STK25: variants seen among roughly 807,000 people sequenced by gnomAD.
STK25 encodes serine/threonine-protein kinase 25.
Under a neutral mutation model 53.8 loss-of-function variants are expected in STK25, and 29 were observed. That is an observed-to-expected ratio of 0.54 (90% CI 0.40 to 0.74). STK25 has a LOEUF of 0.74. Among genes scored for constraint, STK25 ranks in the 30% least tolerant of loss-of-function variants. STK25 has a pLI of 0.00. For synonymous variants in STK25, 247 were observed against 238.3 expected, an observed-to-expected ratio of 1.04 and a Z score of -0.33; for missense variants, 420 against 568.0, an observed-to-expected ratio of 0.74 and a Z score of 2.65.
intron 1 of STK25, 111 bp from the exon 2 acceptor site, chr2:241,508,246 G>A (rs2065976740): frequency 2.3e-6 from 3 of 1,306,640 alleles, no homozygotes; most frequent in Admixed American, 4.2e-5. Context: ...CCAGGCCGCC[G>A]GGGCCCCGCC....
intron 2 of STK25, among the ~76,000 whole-genome samples, 167 bp downstream of exon 2, chr2:241,507,839 G>A (rs2065936343): frequency 1.3e-5 from 2 of 152,216 alleles, no homozygotes; most frequent in Non-Finnish European, 1.5e-5. Context: ...GCAGAGCCCC[G>A]GGGCCGCCCT....
In STK25 at chr2:241,492,993, T is replaced by C. The variant is rs539553205; in HGVS notation, c.*2669A>G. Reference sequence around the variant, plus strand: ...AGTCATGGCTGGCAGAAGCTCTGGGTCGTCTTTACCAACTTCTGTTTGTTC... The same window carrying C: ...AGTCATGGCTGGCAGAAGCTCTGGGCCGTCTTTACCAACTTCTGTTTGTTC... On this transcript the variant is annotated 3_prime_UTR_variant, in exon 12 of 12. Coordinates refer to ENST00000316586, the MANE Select transcript of STK25 (RefSeq NM_001271977.2). 17 of 1,612,262 alleles carry C rather than the reference T, an allele frequency of 1.1e-5. No individual in the cohort carries two copies. In the South Asian group the frequency reaches 1.8e-4, roughly 17 times the overall value.
intron 11 of STK25, 151 bp from the exon 12 acceptor site, chr2:241,495,852 C>A (rs1222778951): frequency 2.1e-5 from 16 of 774,150 alleles, no homozygotes; most frequent in Non-Finnish European, 3.2e-5. Context: ...GTCTCAGGAG[C>A]AGCAATGACT....
Position 241,501,247 on chromosome 2 carries a change from C to CACCCTCACTCCTA in STK25, c.261+230_261+231insTAGGAGTGAGGGT. 2 of 602,204 alleles carry CACCCTCACTCCTA rather than the reference C, an allele frequency of 3.3e-6. No homozygotes were observed. Among genetic ancestry groups the CACCCTCACTCCTA allele is most frequent in the Non-Finnish European group, 6.0e-6 (2 of 333,198 alleles). The allele number at this position is 602,204 out of a possible 1,614,324, so 37.3% of individuals were successfully genotyped here. ...GGGCCCCCCAGAGTGCTCCTAGCAG[C>CACCCTCACTCCTA]GCCCTCACTGCATTACCACAGGCAG... On this transcript the variant is annotated intron_variant, in intron 3 of 11. Transcript: ENST00000316586. This position sits in a 1 kb window ranked among gnomAD's most constrained non-coding sequence, Gnocchi z 5.3.
intron 2 of STK25, among the ~76,000 whole-genome samples, chr2:241,506,337 A>G (rs2065827182): frequency 6.6e-6 from 1 of 152,244 alleles, no homozygotes; most frequent in Non-Finnish European, 1.5e-5. Flanking sequence ...CTACCTTTGG[A>G]ATCCCTTCTC....
intron 9 of STK25, among the ~76,000 whole-genome samples, 158 bp from the exon 10 acceptor site, chr2:241,497,845 G>T (rs1287932998): frequency 6.6e-6 from 1 of 151,562 alleles, no homozygotes; most frequent in East Asian, 1.9e-4. Context: ...AAGCCACCCG[G>T]ATGGCCTGAC....
At chr2:241,497,001 T>G (rs950541236) in intron 10 of STK25, among the ~76,000 whole-genome samples, 12 of 152,232 alleles carry the variant, frequency 7.9e-5, no homozygotes, top group Non-Finnish European at 1.8e-4. Flanking sequence ...ATCAGCAGGC[T>G]GCCCAGGACC....
intron 2 of STK25, among the ~76,000 whole-genome samples, chr2:241,504,426 G>A (rs910208890): frequency 2.6e-5 from 4 of 152,220 alleles, no homozygotes; most frequent in Admixed American, 6.5e-5. Flanking sequence ...GCAGGATAGA[G>A]AGAGCTGAGT....
intron 5 of STK25, chr2:241,499,923 A>G (rs1261551839): frequency 6.7e-6 from 4 of 598,134 alleles, no homozygotes; most frequent in Non-Finnish European, 9.3e-6. Context: ...GGAACCAACA[A>G]CTCCAGCCAA....
At chr2:241,497,525 CCA>C (rs1373255625) in intron 10 of STK25, 89 bp downstream of exon 10, 7 of 1,351,718 alleles carry the variant, frequency 5.2e-6, no homozygotes, top group Non-Finnish European at 7.4e-6. Context: ...TGAAACCACC[CCA>C]CAGTGCTGTG....
intron 9 of STK25, 66 bp from the exon 10 acceptor site, chr2:241,497,753 C>T: frequency 6.7e-7 from 1 of 1,485,270 alleles, no homozygotes; most frequent in Non-Finnish European, 9.4e-7. Context: ...ACTCCCATCC[C>T]TGCCCAGGCT....
rs375878977 is a variant in STK25 at position 241,498,656 on chromosome 2, G to A, written c.900C>T (p.Ser300=). 4.3e-6 allele frequency: 7 copies of A among 1,613,810 alleles called. No homozygotes were observed. In the African/African-American group the frequency reaches 9.3e-5, roughly 22 times the overall value. ...WKSEGHGEES[S]SEDSDIDGEA... is the part of the protein sequence containing the mutation. ...GTCCCTACATGTCAGAGTCCTCAGA[G>A]CTGGACTCCTCGCCATGCCCCTCTG... The change falls in exon 8 of 12, where the codon AGC becomes AGT. Residue 300 remains serine, a synonymous_variant. Coordinates refer to ENST00000316586, the MANE Select transcript of STK25 (RefSeq NM_001271977.2).
At chr2:241,499,792 T>C in intron 5 of STK25, 1 of 458,098 alleles carries the variant, frequency 2.2e-6, no homozygotes, top group Non-Finnish European at 4.0e-6. Context: ...CAGAGATGGC[T>C]CGTTGCCAGT....
rs1417820789 is a variant in STK25 at position 241,493,516 on chromosome 2, G to A, written c.*2146C>T. The A allele has an allele frequency of 6.8e-7, 1 of 1,476,696 alleles. No homozygotes were observed. Among genetic ancestry groups the A allele is most frequent in the South Asian group, 1.2e-5 (1 of 86,542 alleles). The allele number at this position is 1,476,696 out of a possible 1,614,324, so 91.5% of individuals were successfully genotyped here. On this transcript the variant is annotated 3_prime_UTR_variant, in exon 12 of 12. Transcript: ENST00000316586. The stretch of plus-strand genomic sequence containing the variant: ...CGCTCAGCTCCCATTTCTACTCATG[G>A]TGGTGGAGGCAAGTTTTCTGGGCCC...
chr2:241,508,488 C>G lies in STK25; in HGVS notation c.-146G>C. The G allele has an allele frequency of 9.7e-7, 1 of 1,033,348 alleles. No individual in the cohort carries two copies. Among genetic ancestry groups the G allele is most frequent in the Middle Eastern group, 4.8e-4 (1 of 2,074 alleles). 64.0% of individuals were successfully genotyped at this position (1,033,348 alleles called of 1,614,324 possible). A position where few individuals can be genotyped will look rare whatever the true frequency, so the allele number is the denominator to read the frequency against. ...GCCTCCCCCGGCCCGCTCTGCAGCG[C>G]CCGCGAAGGCTCCCACCCGCAGCCT... is the stretch of plus-strand genomic sequence containing the variant. On this transcript the variant is annotated 5_prime_UTR_variant, in exon 1 of 12. Coordinates refer to ENST00000316586, the MANE Select transcript of STK25 (RefSeq NM_001271977.2).
chr2:241,503,952 C>T (rs139344882), intron 2 of STK25: 10 of 462,000 alleles, frequency 2.2e-5, no homozygotes, highest in African/African-American at 1.4e-4. Context: ...CAGCCTGAGG[C>T]GACACTTCCG....
At chr2:241,502,888 C>T (rs748678915) in intron 2 of STK25, among the ~76,000 whole-genome samples, 17 of 152,172 alleles carry the variant, frequency 1.1e-4, no homozygotes, top group Non-Finnish European at 2.1e-4. Flanking sequence ...GCTACACCAG[C>T]GCGGAGTTAG....
intron 5 of STK25, 69 bp downstream of exon 5, chr2:241,500,104 A>G (rs746178686): frequency 7.9e-6 from 11 of 1,396,766 alleles, no homozygotes; most frequent in East Asian, 4.6e-5. Context: ...TGCCCCTCAC[A>G]GGCCCCGGCC....
chr2:241,499,631 G>A (rs2065384382), intron 5 of STK25: 1 of 615,240 alleles, frequency 1.6e-6, no homozygotes, highest in African/African-American at 1.8e-5. Flanking sequence ...CGAGCTCCAG[G>A]GCTCTTCCTG....
Sources: gnomAD v4.1 joint callset for allele counts (sites outside exome capture counted in the v4.1 genomes callset) on GRCh38, gnomAD v4.1.1 for gene constraint, Gnocchi (gnomAD v3.1) non-coding constraint, MANE v1.5 for transcripts, NCBI Gene and HGNC (gene_info 2026-07-23, HGNC 2026-07-21) for gene names.